Variants in PHIP observed in about 807,000 individuals in gnomAD.
PHIP encodes the protein PHIP subunit of CUL4-Ring ligase complex.
Under a neutral mutation model 236.8 loss-of-function variants are expected in PHIP, and 54 were observed. The observed-to-expected ratio is 0.23, with a 90% confidence interval of 0.18 to 0.29. The LOEUF is 0.29. Among genes scored for constraint, PHIP ranks in the 10% least tolerant of loss-of-function variants. PHIP has a pLI of 1.00. For missense variants in PHIP, 1,370 were observed against 2,190.8 expected, an observed-to-expected ratio of 0.63 and a Z score of 7.48; for synonymous variants, 756 against 718.9, an observed-to-expected ratio of 1.05 and a Z score of -0.83.
rs895946842 is a variant in PHIP, at chr6:78,939,374, A to G, written c.*1319T>C. 2.0e-5 allele frequency: 3 copies of G among 151,832 alleles called. No homozygotes were observed. Among genetic ancestry groups the G allele is most frequent in the East Asian group, 1.9e-4 (1 of 5,192 alleles). The allele number at this position is 151,832 out of a possible 1,614,324, so 9.4% of individuals were successfully genotyped here. ...GATAAGGATACCGTAAAAAGTGCAG[A>G]AAAAACACAATGTGCAATGAGACCA... On this transcript the variant is annotated 3_prime_UTR_variant, in exon 40 of 40. Coordinates refer to ENST00000275034, the MANE Select transcript of PHIP (RefSeq NM_017934.7).
intron 27 of PHIP, among the ~76,000 whole-genome samples, chr6:78,966,834 G>A (rs1473394099): frequency 6.6e-6 from 1 of 152,202 alleles, no homozygotes; most frequent in Non-Finnish European, 1.5e-5. Context: ...CAGTACTTGA[G>A]TTTTCTCGTG....
chr6:79,064,659 T>C (rs984995452), intron 4 of PHIP, among the ~76,000 whole-genome samples: 1 of 152,208 alleles, frequency 6.6e-6, no homozygotes, highest in Non-Finnish European at 1.5e-5. Context: ...GCTTGCTTTC[T>C]TCCTCTCCAA....
intron 1 of PHIP, 31 bp downstream of exon 1, chr6:79,077,998 T>C (rs1377266595): frequency 5.0e-6 from 8 of 1,603,904 alleles, no homozygotes; most frequent in Non-Finnish European, 5.9e-6. Flanking sequence ...AATCGCCCGG[T>C]GCCAGCGGCC....
rs893838739 is a variant in PHIP at position 78,935,346 on chromosome 6, T to A, written c.*5347A>T. On this transcript the variant is annotated 3_prime_UTR_variant, in exon 40 of 40. Coordinates refer to ENST00000275034, the MANE Select transcript of PHIP (RefSeq NM_017934.7). ...AATGTTATGGCCTTATGTATTCATA[T>A]CTAATGGTCTTCATGCTAAAATTGG... 3 of 174,052 alleles carry A rather than the reference T, an allele frequency of 1.7e-5. No homozygotes were observed. The highest frequency in any genetic ancestry group is 7.2e-5 in the African/African-American group (3 of 41,840). 10.8% of individuals were successfully genotyped at this position (174,052 alleles called of 1,614,324 possible).
chr6:79,041,635 T>C (rs1202302872), intron 7 of PHIP, among the ~76,000 whole-genome samples: 1 of 152,084 alleles, frequency 6.6e-6, no homozygotes, highest in African/African-American at 2.4e-5. Flanking sequence ...CATATTAAAC[T>C]TGAATGGCTA....
intron 27 of PHIP, among the ~76,000 whole-genome samples, chr6:78,967,508 T>A (rs1331438138): frequency 6.6e-6 from 1 of 152,204 alleles, no homozygotes. Context: ...AAGTCCACCA[T>A]TGAGAGTAAG....
chr6:79,059,591 TTATATATA>T lies in PHIP; in HGVS notation c.439+879_439+886del, dbSNP rs72226338. Among the ~76,000 whole-genome samples, 347 of 84,764 alleles carry T rather than the reference TTATATATA, an allele frequency of 4.1e-3. 8 individuals carry two copies. Among genetic ancestry groups the T allele is most frequent in the Middle Eastern group, 0.016 (2 of 122 alleles). The allele number at this position is 84,764 out of a possible 152,430, so 55.6% of individuals were successfully genotyped here. Reference sequence around the variant, plus strand: ...AGGAAACAAAAAGTTGAAAGCAAAATTATATATATATATATATATATATATATATATAT... The same window carrying T: ...AGGAAACAAAAAGTTGAAAGCAAAATTATATATATATATATATATATATAT... On this transcript the variant is annotated intron_variant, in intron 6 of 39. Transcript: ENST00000275034.
At chr6:79,040,835 A>C (rs1562201296) in intron 7 of PHIP, among the ~76,000 whole-genome samples, 1 of 152,142 alleles carries the variant, frequency 6.6e-6, no homozygotes, top group Non-Finnish European at 1.5e-5. Flanking sequence ...AAAAATTACA[A>C]ATGAGACTGA....
chr6:79,006,151 A>C (rs184178942), intron 15 of PHIP, among the ~76,000 whole-genome samples: 2 of 152,132 alleles, frequency 1.3e-5, no homozygotes, highest in African/African-American at 4.8e-5. Flanking sequence ...CCATTTGTTT[A>C]CTAAAGGAGG....
rs369317750 is a variant in PHIP at position 78,945,314 on chromosome 6, G to A, written c.4814C>T (p.Ala1605Val). 1.4e-5 allele frequency: 23 copies of A among 1,608,146 alleles called. No individual in the cohort carries two copies. Among genetic ancestry groups the A allele is most frequent in the Non-Finnish European group, 2.0e-5 (23 of 1,174,718 alleles). ...TAATACCTTACCTTGCTCAATGACA[G>A]CTGATGACTTTGAAAGAGTGGACGC... ...PKASTLSKSSAVIEQGDCKNN... is the reference protein window; with the variant it reads ...PKASTLSKSSVVIEQGDCKNN... Residue 1605 changes from alanine to valine, a missense_variant, in exon 39 of 40, where the codon GCT (alanine) becomes GTT (valine). By Grantham distance (64) the Ala-to-Val change is moderately conservative (BLOSUM62 0). Transcript: ENST00000275034.
chr6:78,960,207 C>A (rs1048731317), intron 31 of PHIP, among the ~76,000 whole-genome samples: 2 of 152,144 alleles, frequency 1.3e-5, no homozygotes, highest in African/African-American at 4.8e-5. Context: ...GTAAGTCAAA[C>A]CTTATGTATA....
At chr6:78,986,980 A>G (rs967027218) in intron 21 of PHIP, among the ~76,000 whole-genome samples, 2 of 152,120 alleles carry the variant, frequency 1.3e-5, no homozygotes, top group Admixed American at 6.5e-5. Context: ...ACAAAATACT[A>G]AAGTACAAAA....
chr6:79,007,018 GT>G (rs1023747286), intron 15 of PHIP, among the ~76,000 whole-genome samples: 1 of 151,970 alleles, frequency 6.6e-6, no homozygotes, highest in African/African-American at 2.4e-5. Flanking sequence ...GATCAGATGT[GT>G]TAAAATAATG....
intron 6 of PHIP, among the ~76,000 whole-genome samples, chr6:79,044,336 T>C (rs963825269): frequency 1.3e-5 from 2 of 152,296 alleles, no homozygotes; most frequent in African/African-American, 4.8e-5. Flanking sequence ...TCAATTAGCA[T>C]ATTTAGGCTT....
At chr6:79,020,439 T>C (rs895620506) in intron 9 of PHIP, among the ~76,000 whole-genome samples, 5 of 152,184 alleles carry the variant, frequency 3.3e-5, no homozygotes, top group Non-Finnish European at 2.9e-5. Context: ...AACCTAAACA[T>C]TTATTCAGAG....
intron 6 of PHIP, among the ~76,000 whole-genome samples, chr6:79,059,410 A>T (rs1380901301): frequency 1.3e-5 from 2 of 151,690 alleles, no homozygotes; most frequent in Non-Finnish European, 2.9e-5. Flanking sequence ...AATTAGAGAA[A>T]AAGGGATTGC....
At chr6:79,063,191 T>A (rs562830312) in intron 4 of PHIP, among the ~76,000 whole-genome samples, 1 of 152,118 alleles carries the variant, frequency 6.6e-6, no homozygotes, top group Non-Finnish European at 1.5e-5. Flanking sequence ...TAAGGAGAGA[T>A]TGGGCCATGT....
intron 7 of PHIP, among the ~76,000 whole-genome samples, chr6:79,031,831 A>G (rs569509002): frequency 1.3e-5 from 2 of 152,282 alleles, no homozygotes; most frequent in South Asian, 4.1e-4. Flanking sequence ...AGCAATTAGT[A>G]TTTTTTTCTG....
chr6:79,025,306 G>GA lies in PHIP; in HGVS notation c.923+212dup, dbSNP rs34111968. On this transcript the variant is annotated intron_variant, in intron 9 of 39. Coordinates refer to ENST00000275034, the MANE Select transcript of PHIP (RefSeq NM_017934.7). ...GAAAGAGCTAGGATTAGGATAAAGA[G>GA]AAAAAAAATGTGAACATGAGAAACT... Among the ~76,000 whole-genome samples, 122,915 of 151,390 alleles carry GA rather than the reference G, an allele frequency of 0.81. 50,457 individuals are homozygous for GA. Among genetic ancestry groups the GA allele is most frequent in the East Asian group, 0.99 (5,125 of 5,166 alleles).
Sources: gnomAD v4.1 joint callset for allele counts (sites outside exome capture counted in the v4.1 genomes callset) on GRCh38, gnomAD v4.1.1 for gene constraint, MANE v1.5 for transcripts, NCBI Gene and HGNC (gene_info 2026-07-23, HGNC 2026-07-21) for gene names.